Variants in DNAL1 observed in about 807,000 individuals in gnomAD.
DNAL1 encodes dynein axonemal light chain 1, also known as chromosome 14 open reading frame 168.
In DNAL1, 17 loss-of-function variants were observed where a neutral mutation model predicts 29.4. That is an observed-to-expected ratio of 0.58 (90% CI 0.40 to 0.87). DNAL1 has a LOEUF of 0.87. Among genes scored for constraint, DNAL1 ranks in the 40% least tolerant of loss-of-function variants. The pLI is 0.00. For missense variants in DNAL1, 188 were observed against 214.1 expected (o/e 0.88, Z 0.76); for synonymous variants, 78 against 76.3 (o/e 1.02, Z -0.12).
chr14:73,662,666 T>C (rs902215931), intron 4 of DNAL1, among the ~76,000 whole-genome samples: 2 of 152,182 alleles, frequency 1.3e-5, no homozygotes, highest in African/African-American at 4.8e-5. Flanking sequence ...TCTCTGCCAG[T>C]AGTCACACTG....
At chr14:73,689,969 G>A (rs1892128018) in intron 7 of DNAL1, among the ~76,000 whole-genome samples, 1 of 151,334 alleles carries the variant, frequency 6.6e-6, no homozygotes, top group South Asian at 2.1e-4. Context: ...TCGGCAGGCG[G>A]AGGTTGCAGT....
rs1892410475 is a variant in DNAL1, at chr14:73,700,533, T to C, written c.*4591T>C. 1.3e-5 allele frequency: 2 copies of C among 152,198 alleles called. No homozygotes were observed. 9.4% of individuals were successfully genotyped at this position (152,198 alleles called of 1,614,324 possible). A position where few individuals can be genotyped will look rare whatever the true frequency, so the allele number is the denominator to read the frequency against. ...GTAAAGAGAGTTGGAATCTTCTACCTGGGTTTTTCTCAGGGCTAAATGGAA... is the reference window on the plus strand; with the variant it reads ...GTAAAGAGAGTTGGAATCTTCTACCCGGGTTTTTCTCAGGGCTAAATGGAA... On this transcript the variant is annotated 3_prime_UTR_variant, in exon 8 of 8. Transcript: ENST00000553645.
chr14:73,649,630 G>A (rs1053220719), intron 1 of DNAL1, among the ~76,000 whole-genome samples: 2 of 152,064 alleles, frequency 1.3e-5, no homozygotes, highest in Non-Finnish European at 2.9e-5. Context: ...TTCCTAGTTA[G>A]GCCCACTTTG....
chr14:73,677,590 T>A (rs1343091606), intron 5 of DNAL1, among the ~76,000 whole-genome samples: 1 of 150,620 alleles, frequency 6.6e-6, no homozygotes, highest in African/African-American at 2.4e-5. Flanking sequence ...GGAGTCTGGC[T>A]CTGTCGCCCA....
intron 7 of DNAL1, 134 bp from the exon 8 acceptor site, chr14:73,695,768 A>T: frequency 1.8e-6 from 1 of 561,172 alleles, no homozygotes; most frequent in Non-Finnish European, 3.1e-6. Flanking sequence ...ACCTCAGGTG[A>T]TCCACCCGCC....
At chr14:73,694,457 G>A (rs940469460) in intron 7 of DNAL1, among the ~76,000 whole-genome samples, 5 of 151,894 alleles carry the variant, frequency 3.3e-5, no homozygotes, top group Non-Finnish European at 5.9e-5. Flanking sequence ...ACTCAGCTGG[G>A]GTCAGACTGG....
chr14:73,677,882 A>G (rs62004927), intron 5 of DNAL1, among the ~76,000 whole-genome samples: 403 of 22,936 alleles, frequency 0.018, 1 homozygote, highest in African/African-American at 0.063. Context: ...ATATATATAT[A>G]TTTGTGTGTG....
At chr14:73,652,855 T>A (rs1030711181) in intron 1 of DNAL1, among the ~76,000 whole-genome samples, 6 of 152,184 alleles carry the variant, frequency 3.9e-5, no homozygotes, top group Admixed American at 6.5e-5. Context: ...AAATTTTGAC[T>A]TTTTTTCTTT....
In DNAL1 at chr14:73,669,172, C is replaced by T. The variant is rs796120092; in HGVS notation, c.209-2370C>T. ...TTTTTTTCTTTTAGACAGGGTCTCA[C>T]TCTGTTACCCAGGCTAGAGTGTAGT... On this transcript the variant is annotated intron_variant, in intron 4 of 7. Coordinates refer to ENST00000553645, the MANE Select transcript of DNAL1 (RefSeq NM_031427.4). 2.6e-5 allele frequency among the ~76,000 whole-genome samples: 4 copies of T among 152,116 alleles called. 1 individual carries two copies. Among genetic ancestry groups the T allele is most frequent in the South Asian group, 4.1e-4 (2 of 4,830 alleles).
intron 5 of DNAL1, among the ~76,000 whole-genome samples, chr14:73,672,725 G>A (rs1485434593): frequency 6.6e-6 from 1 of 151,346 alleles, no homozygotes; most frequent in Non-Finnish European, 1.5e-5. Context: ...ATTGGATATG[G>A]TGAGTAAAAT....
chr14:73,669,668 G>A (rs892552957), intron 4 of DNAL1, among the ~76,000 whole-genome samples: 2 of 152,050 alleles, frequency 1.3e-5, no homozygotes, highest in East Asian at 1.9e-4. Context: ...GGCATCAAAT[G>A]ATACTCCCAC....
rs185272736 is a variant in DNAL1, at chr14:73,679,445, G to A, written c.265-7814G>A. Among the ~76,000 whole-genome samples the A allele has an allele frequency of 1.4e-3, 208 of 152,124 alleles. 4 individuals carry two copies. The East Asian group carries it at 0.035, about 26-fold the overall frequency. Reference sequence around the variant, plus strand: ...GTAGCATTATTTATAATAGCCAAAAGGTGGAAGCAACCTAAGTGTTCACTG... The same window carrying A: ...GTAGCATTATTTATAATAGCCAAAAAGTGGAAGCAACCTAAGTGTTCACTG... On this transcript the variant is annotated intron_variant, in intron 5 of 7. Coordinates refer to ENST00000553645, the MANE Select transcript of DNAL1 (RefSeq NM_031427.4).
chr14:73,649,718 CTTTT>C (rs1891070648), intron 1 of DNAL1, among the ~76,000 whole-genome samples: 1 of 152,108 alleles, frequency 6.6e-6, no homozygotes, highest in Non-Finnish European at 1.5e-5. Context: ...CCAGTGTTTT[CTTTT>C]TCCTTAGTAA....
intron 1 of DNAL1, among the ~76,000 whole-genome samples, chr14:73,647,415 A>G (rs1431735977): frequency 6.6e-6 from 1 of 151,898 alleles, no homozygotes; most frequent in Non-Finnish European, 1.5e-5. Flanking sequence ...ATGTTTCACC[A>G]TTGGACACTT....
At chr14:73,691,854 C>CCG (rs1555403333) in intron 7 of DNAL1, among the ~76,000 whole-genome samples, 59 of 147,002 alleles carry the variant, frequency 4.0e-4, no homozygotes, top group East Asian at 2.3e-3. Flanking sequence ...CCACCCCCCC[C>CCG]CCCCAGCTAA....
At position 73,691,846 on chromosome 14, in the gene DNAL1, A is replaced by ACC. The variant is rs775100350; in HGVS notation, c.532+2342_532+2343dup. Among the ~76,000 whole-genome samples, 70 of 102,986 alleles carry ACC rather than the reference A, an allele frequency of 6.8e-4. 1 individual carries two copies. The highest frequency in any genetic ancestry group is 2.6e-3 in the African/African-American group (61 of 23,618). The allele number at this position is 102,986 out of a possible 152,430, so 67.6% of individuals were successfully genotyped here. A position where few individuals can be genotyped will look rare whatever the true frequency, so the allele number is the denominator to read the frequency against. On this transcript the variant is annotated intron_variant, in intron 7 of 7. Transcript: ENST00000553645. Reference sequence around the variant, plus strand: ...GTAGCTGGAACTACAGGCGTGCGCCACCCCCCCCCCCCAGCTAATTTTTGT... The same window carrying ACC: ...GTAGCTGGAACTACAGGCGTGCGCCACCCCCCCCCCCCCCAGCTAATTTTTGT...
In DNAL1 at chr14:73,699,231, T is replaced by C. The variant is rs1892372152; in HGVS notation, c.*3289T>C. 6.6e-6 allele frequency: 1 copy of C among 152,156 alleles called. No individual in the cohort carries two copies. The highest frequency in any genetic ancestry group is 2.4e-5 in the African/African-American group (1 of 41,422). The allele number at this position is 152,156 out of a possible 1,614,324, so 9.4% of individuals were successfully genotyped here. A position where few individuals can be genotyped will look rare whatever the true frequency, so the allele number is the denominator to read the frequency against. On this transcript the variant is annotated 3_prime_UTR_variant, in exon 8 of 8. Transcript: ENST00000553645. ...AGTCTGTAGCCATGTGCCACTTGAATTGTTATATGAGAGAAGGTGATGTAT... is the reference window on the plus strand; with the variant it reads ...AGTCTGTAGCCATGTGCCACTTGAACTGTTATATGAGAGAAGGTGATGTAT...
chr14:73,648,427 G>GT (rs1349281595), intron 1 of DNAL1, among the ~76,000 whole-genome samples: 1 of 22,058 alleles, frequency 4.5e-5, no homozygotes, highest in Non-Finnish European at 8.2e-5. Context: ...TTTGTTGTTT[G>GT]TTTGTTTTTG....
At chr14:73,660,785 G>A (rs1017678546) in intron 3 of DNAL1, among the ~76,000 whole-genome samples, 1 of 152,138 alleles carries the variant, frequency 6.6e-6, no homozygotes, top group African/African-American at 2.4e-5. Flanking sequence ...TTATCATAAA[G>A]CCATCTCAAA....
Sources: allele counts gnomAD v4.1 joint callset (sites outside exome capture counted in the v4.1 genomes callset), GRCh38; gene constraint gnomAD v4.1.1; transcripts MANE v1.5; gene names NCBI Gene and HGNC (gene_info 2026-07-23, HGNC 2026-07-21).